The following RHOBTB1 variants were observed in gnomAD, a reference collection of about 807,000 sequenced individuals.
The protein encoded by RHOBTB1 is rho-related BTB domain-containing protein 1.
In RHOBTB1, 40 loss-of-function variants were observed where a neutral mutation model predicts 71.6. That is an observed-to-expected ratio of 0.56 (90% CI 0.43 to 0.73). The LOEUF (loss-of-function observed/expected upper bound fraction) is 0.73, where lower values mean the gene tolerates loss of function less well. Among genes scored for constraint, RHOBTB1 ranks in the 30% least tolerant of loss-of-function variants. The pLI, the probability that RHOBTB1 is intolerant of heterozygous loss-of-function variation, is 0.00. For synonymous variants in RHOBTB1, 319 were observed against 334.9 expected, an observed-to-expected ratio of 0.95 and a Z score of 0.52; for missense variants, 797 against 894.0, an observed-to-expected ratio of 0.89 and a Z score of 1.38.
chr10:60,947,241 A>C (rs1299586812), upstream of RHOBTB1, among the ~76,000 whole-genome samples: 1 of 152,242 alleles, frequency 6.6e-6, no homozygotes, highest in Non-Finnish European at 1.5e-5. Flanking sequence ...TGCTGATAGA[A>C]TCAGTACCAT....
chr10:60,990,207 T>C (rs2086812426), intron 1 of RHOBTB1, among the ~76,000 whole-genome samples: 1 of 151,938 alleles, frequency 6.6e-6, no homozygotes, highest in Non-Finnish European at 1.5e-5. Context: ...ATGGTCTCGA[T>C]CTCCTGACCT....
At chr10:60,875,419 A>G (rs1179156686) in intron 8 of RHOBTB1, among the ~76,000 whole-genome samples, 2 of 152,230 alleles carry the variant, frequency 1.3e-5, no homozygotes, top group Non-Finnish European at 2.9e-5. Flanking sequence ...TAAGTGCTCA[A>G]CAGCCACATG....
intron 1 of RHOBTB1, among the ~76,000 whole-genome samples, chr10:60,999,525 A>G (rs1195378191): frequency 6.6e-6 from 1 of 152,258 alleles, no homozygotes; most frequent in Non-Finnish European, 1.5e-5. Context: ...AACTGGGAAC[A>G]AACCAATTAT....
chr10:60,862,760 CTTCT>C, the RHOBTB1 span, among the ~76,000 whole-genome samples: 23 of 139,858 alleles, frequency 1.6e-4, no homozygotes, highest in African/African-American at 3.5e-4. Flanking sequence ...TCCTTCCTTC[CTTCT>C]TTTTCCTCTT....
chr10:60,873,115 T>C (rs1265989665), intron 9 of RHOBTB1, among the ~76,000 whole-genome samples: 2 of 152,152 alleles, frequency 1.3e-5, no homozygotes, highest in African/African-American at 4.8e-5. Flanking sequence ...AGAAACCCAC[T>C]CAAGAGACTC....
intron 4 of RHOBTB1, among the ~76,000 whole-genome samples, chr10:60,902,183 A>T (rs1446068856): frequency 3.9e-5 from 6 of 152,228 alleles, no homozygotes; most frequent in Non-Finnish European, 4.4e-5. Context: ...TGAGGGTGGC[A>T]CAGAGAATGG....
chr10:60,907,732 A>G (rs185674064), intron 4 of RHOBTB1, among the ~76,000 whole-genome samples: 11 of 152,312 alleles, frequency 7.2e-5, no homozygotes, highest in African/African-American at 2.6e-4. Context: ...TTCTAGTTCC[A>G]ATCTTTGCAC....
intron 2 of RHOBTB1, among the ~76,000 whole-genome samples, chr10:60,958,445 T>C (rs551920665): frequency 6.6e-6 from 1 of 152,112 alleles, no homozygotes; most frequent in African/African-American, 2.4e-5. Context: ...ATTTGAAGAG[T>C]AGGAATAAAT....
intron 10 of RHOBTB1, 184 bp downstream of exon 10, chr10:60,872,001 C>T (rs1716496314): frequency 1.5e-6 from 1 of 651,218 alleles, no homozygotes; most frequent in Non-Finnish European, 2.7e-6. Context: ...ATCAAGTTCT[C>T]CAAAGACAAT....
At chr10:60,979,184 A>C (rs2086413211) in intron 2 of RHOBTB1, among the ~76,000 whole-genome samples, 1 of 152,080 alleles carries the variant, frequency 6.6e-6, no homozygotes, top group Non-Finnish European at 1.5e-5. Context: ...TTTTTTATTT[A>C]ATTGCTTGTG....
intron 2 of RHOBTB1, among the ~76,000 whole-genome samples, chr10:60,931,175 A>C (rs1193600045): frequency 6.6e-6 from 1 of 152,196 alleles, no homozygotes; most frequent in Non-Finnish European, 1.5e-5. Flanking sequence ...TTTTAAAAAA[A>C]TGTGAGATAA....
chr10:60,980,655 G>T (rs34273804), intron 2 of RHOBTB1, among the ~76,000 whole-genome samples: 11,943 of 151,988 alleles, frequency 0.079, 686 homozygotes, highest in Admixed American at 0.12. Flanking sequence ...CGAATGATGG[G>T]AACACACATA....
intron 2 of RHOBTB1, among the ~76,000 whole-genome samples, chr10:60,968,349 T>C (rs1376450288): frequency 6.6e-6 from 1 of 152,166 alleles, no homozygotes; most frequent in Non-Finnish European, 1.5e-5. Context: ...AGTGTGTAAA[T>C]GAATTTTGTT....
At chr10:60,931,096 C>T (rs1051570503) in intron 2 of RHOBTB1, among the ~76,000 whole-genome samples, 9 of 152,174 alleles carry the variant, frequency 5.9e-5, no homozygotes, top group Admixed American at 1.3e-4. Context: ...GACAATGAGG[C>T]TATAACTTGT....
chr10:60,911,296 T>G, intron 3 of RHOBTB1, 55 bp downstream of exon 3: 1 of 1,501,110 alleles, frequency 6.7e-7, no homozygotes. Flanking sequence ...AAAATCAGAC[T>G]GGCAACCAGC....
chr10:61,000,515 A>G (rs2087224199), intron 1 of RHOBTB1, among the ~76,000 whole-genome samples: 1 of 152,286 alleles, frequency 6.6e-6, no homozygotes, highest in Non-Finnish European at 1.5e-5. Flanking sequence ...CTCTAAAACT[A>G]TACGGTAAAC....
At chr10:60,992,027 T>G (rs1175173252) in intron 1 of RHOBTB1, among the ~76,000 whole-genome samples, 1 of 152,130 alleles carries the variant, frequency 6.6e-6, no homozygotes, top group Non-Finnish European at 1.5e-5. Context: ...ACAACTTTTT[T>G]GAAAGTGTGA....
intron 2 of RHOBTB1, among the ~76,000 whole-genome samples, chr10:60,920,477 G>A (rs2083495512): frequency 6.6e-6 from 1 of 152,160 alleles, no homozygotes; most frequent in African/African-American, 2.4e-5. Flanking sequence ...GGGATAGGAA[G>A]TGGGGAAGCC....
intron 2 of RHOBTB1, among the ~76,000 whole-genome samples, chr10:60,958,894 C>T (rs752483769): frequency 1.3e-5 from 2 of 152,206 alleles, no homozygotes; most frequent in Non-Finnish European, 2.9e-5. Flanking sequence ...AGGCACCGCA[C>T]CTGGCCCAGA....
Sources: allele counts gnomAD v4.1 joint callset (sites outside exome capture counted in the v4.1 genomes callset), GRCh38; gene constraint gnomAD v4.1.1; transcripts MANE v1.5; gene names NCBI Gene and HGNC (gene_info 2026-07-23, HGNC 2026-07-21).